The following SCNN1B variants were observed in gnomAD, a reference collection of about 807,000 sequenced individuals.
SCNN1B encodes sodium channel epithelial 1 subunit beta.
A neutral mutation model predicts 65.3 loss-of-function variants in SCNN1B; 46 were observed. That is an observed-to-expected ratio of 0.70 (90% CI 0.56 to 0.90). SCNN1B has a LOEUF of 0.90. Among genes scored for constraint, SCNN1B ranks in the 40% least tolerant of loss-of-function variants. The pLI is 0.00. For missense variants in SCNN1B, 751 were observed against 830.5 expected (o/e 0.90, Z 1.18); for synonymous variants, 349 against 330.6 (o/e 1.06, Z -0.60).
intron 2 of SCNN1B, among the ~76,000 whole-genome samples, chr16:23,349,374 C>G (rs954689403): frequency 6.6e-6 from 1 of 152,062 alleles, no homozygotes; most frequent in Non-Finnish European, 1.5e-5. Flanking sequence ...GTGGTCTGAG[C>G]TGCATAGGAA....
chr16:23,295,639 A>G (rs1023760553), intron 2 of SCNN1B, among the ~76,000 whole-genome samples: 2 of 152,182 alleles, frequency 1.3e-5, no homozygotes, highest in African/African-American at 4.8e-5. Flanking sequence ...GGCATAAGCC[A>G]CTGCACCCAG....
chr16:23,280,342 A>G (rs895808192), intron 1 of SCNN1B, among the ~76,000 whole-genome samples: 1 of 151,744 alleles, frequency 6.6e-6, no homozygotes, highest in African/African-American at 2.4e-5. Flanking sequence ...CTCCCACCTC[A>G]GCCTCTTGAG....
At chr16:23,341,672 AG>A (rs1962057320) in intron 1 of SCNN1B, among the ~76,000 whole-genome samples, 1 of 152,212 alleles carries the variant, frequency 6.6e-6, no homozygotes, top group Admixed American at 6.5e-5. Flanking sequence ...TCTCCAAAGA[AG>A]ATATACTGGC....
intron 2 of SCNN1B, among the ~76,000 whole-genome samples, chr16:23,290,464 T>C (rs1596808066): frequency 1.3e-5 from 2 of 152,118 alleles, no homozygotes; most frequent in East Asian, 3.9e-4. Flanking sequence ...TGCACCACCA[T>C]GTCTAGCTAC....
intron 1 of SCNN1B, chr16:23,303,856 T>G: frequency 1.7e-6 from 1 of 588,260 alleles, no homozygotes; most frequent in Non-Finnish European, 3.1e-6. Flanking sequence ...GAGGTGGAGG[T>G]TGCAGTGAGC....
Position 23,303,899 on chromosome 16 carries a change from A to G in SCNN1B, c.-9+1462A>G, listed in dbSNP as rs1300301996. On this transcript the variant is annotated intron_variant, in intron 1 of 12. Coordinates refer to ENST00000343070, the MANE Select transcript of SCNN1B (RefSeq NM_000336.3). ...GCACCATTGCACTCTAGCCTGAGTG[A>G]AAGAGCAAGACTCTGTTTCAGAAAA... The G allele has an allele frequency of 1.0e-5, 7 of 688,350 alleles. No individual in the cohort carries two copies. The African/African-American group carries it at 1.1e-4, about 10-fold the overall frequency. The allele number at this position is 688,350 out of a possible 1,614,324, so 42.6% of individuals were successfully genotyped here. A position where few individuals can be genotyped will look rare whatever the true frequency, so the allele number is the denominator to read the frequency against.
At chr16:23,286,208 C>T (rs905530471) in intron 2 of SCNN1B, among the ~76,000 whole-genome samples, 1 of 152,164 alleles carries the variant, frequency 6.6e-6, no homozygotes, top group African/African-American at 2.4e-5. Context: ...AGAATGCCTG[C>T]TCACAAATGT....
At chr16:23,336,026 C>T (rs568581255) in intron 1 of SCNN1B, among the ~76,000 whole-genome samples, 16 of 152,250 alleles carry the variant, frequency 1.1e-4, no homozygotes, top group African/African-American at 3.9e-4. Context: ...AGCTGCATGG[C>T]CCCACTTCAG....
chr16:23,328,812 T>C (rs536470955), intron 1 of SCNN1B, among the ~76,000 whole-genome samples: 2 of 152,330 alleles, frequency 1.3e-5, no homozygotes, highest in South Asian at 4.1e-4. Context: ...TGTTTGTTTT[T>C]TGAGACAGGG....
chr16:23,356,196 C>T (rs1297257796), intron 4 of SCNN1B, among the ~76,000 whole-genome samples: 5 of 152,264 alleles, frequency 3.3e-5, no homozygotes, highest in South Asian at 2.1e-4. Context: ...TGCACCAGCC[C>T]GATGAGGGGA....
chr16:23,357,582 T>C (rs2142024625), intron 4 of SCNN1B, among the ~76,000 whole-genome samples: 1 of 152,196 alleles, frequency 6.6e-6, no homozygotes, highest in African/African-American at 2.4e-5. Flanking sequence ...GACTCTGTAT[T>C]AAAAAGGAAA....
intron 2 of SCNN1B, among the ~76,000 whole-genome samples, chr16:23,286,046 T>TA (rs11386414): frequency 0.49 from 73,950 of 152,034 alleles, 22,069 homozygotes; most frequent in African/African-American, 0.85. Flanking sequence ...AATGATATTT[T>TA]AAAAGAGAAA....
At chr16:23,311,286 G>T (rs28595421) in intron 1 of SCNN1B, among the ~76,000 whole-genome samples, 1 of 152,128 alleles carries the variant, frequency 6.6e-6, no homozygotes, top group African/African-American at 2.4e-5. Context: ...AGGCCACCTC[G>T]TTCCCCTCCA....
At chr16:23,360,940 A>G (rs1218268577) in intron 4 of SCNN1B, among the ~76,000 whole-genome samples, 2 of 152,044 alleles carry the variant, frequency 1.3e-5, no homozygotes, top group African/African-American at 2.4e-5. Flanking sequence ...GACTACAGGC[A>G]GCCGCCACCA....
chr16:23,348,494 C>CG lies in SCNN1B; in HGVS notation c.-8-94dup. 9.2e-7 allele frequency: 1 copy of CG among 1,085,322 alleles called. No individual in the cohort carries two copies. Among genetic ancestry groups the CG allele is most frequent in the Non-Finnish European group, 1.4e-6 (1 of 737,118 alleles). 67.2% of individuals were successfully genotyped at this position (1,085,322 alleles called of 1,614,324 possible). A position where few individuals can be genotyped will look rare whatever the true frequency, so the allele number is the denominator to read the frequency against. On this transcript the variant is annotated intron_variant, in intron 1 of 12. Transcript: ENST00000343070. This position sits in a 1 kb window ranked among gnomAD's most constrained non-coding sequence, Gnocchi z 4.5. ...GGGGAGGGTAAAGAGGGAGGAAGAA[C>CG]GGGGACGTACCGCCGCCCAGTTCCT...
chr16:23,341,868 A>T (rs1043413160), intron 1 of SCNN1B, among the ~76,000 whole-genome samples: 4 of 152,216 alleles, frequency 2.6e-5, no homozygotes, highest in Non-Finnish European at 5.9e-5. Context: ...GAACTCTCAC[A>T]CACCGGGTGA....
At chr16:23,305,598 T>TAA (rs763912916) in intron 1 of SCNN1B, among the ~76,000 whole-genome samples, 4 of 110,168 alleles carry the variant, frequency 3.6e-5, no homozygotes, top group South Asian at 2.8e-4. Context: ...TATATATATA[T>TAA]AACCTGGGTG....
chr16:23,367,382 G>A (rs1596878959), intron 4 of SCNN1B, among the ~76,000 whole-genome samples: 1 of 151,864 alleles, frequency 6.6e-6, no homozygotes, highest in Admixed American at 6.6e-5. Flanking sequence ...AAGCAGCCTC[G>A]AACTCCTGGG....
chr16:23,283,303 C>A (rs146706272), intron 1 of SCNN1B, among the ~76,000 whole-genome samples: 12 of 152,026 alleles, frequency 7.9e-5, no homozygotes. Context: ...CCCAGCTACT[C>A]GGGAGGCTGA....
Sources: gnomAD v4.1 joint callset for allele counts (sites outside exome capture counted in the v4.1 genomes callset) on GRCh38, gnomAD v4.1.1 for gene constraint, Gnocchi (gnomAD v3.1) non-coding constraint, MANE v1.5 for transcripts, NCBI Gene and HGNC (gene_info 2026-07-23, HGNC 2026-07-21) for gene names.